The following WASF2 variants were observed in gnomAD, a reference collection of about 807,000 sequenced individuals.
WASF2 encodes WASP family member 2.
In WASF2, 14 loss-of-function variants were observed where a neutral mutation model predicts 45.0. That is an observed-to-expected ratio of 0.31 (90% CI 0.21 to 0.49). WASF2 has a LOEUF of 0.49. WASF2 is among the 20% of genes least tolerant of loss of function. The probability of loss-of-function intolerance (pLI) is 0.99; values close to 1 mark genes in which losing one functional copy is unlikely to be tolerated. For missense variants in WASF2, 439 were observed against 636.1 expected (o/e 0.69, Z 3.33); for synonymous variants, 200 against 236.3 (o/e 0.85, Z 1.41).
In WASF2 at chr1:27,486,855, C is replaced by T. The variant is rs1281058012; in HGVS notation, c.-44+3131G>A. 8.6e-5 allele frequency among the ~76,000 whole-genome samples: 13 copies of T among 151,282 alleles called. No homozygotes were observed. In the East Asian group the frequency reaches 1.9e-3, roughly 23 times the overall value. On this transcript the variant is annotated intron_variant, in intron 1 of 8. Coordinates refer to ENST00000618852, the MANE Select transcript of WASF2 (RefSeq NM_006990.5). ...AGGAGAATCGCCCGAACCTGGGAGG[C>T]GGAGGTTGCAGTAAGCCGAGATCAC...
intron 2 of WASF2, among the ~76,000 whole-genome samples, chr1:27,428,259 A>G (rs1164587130): frequency 6.6e-6 from 1 of 152,218 alleles, no homozygotes; most frequent in African/African-American, 2.4e-5. Flanking sequence ...CAAGTCAGTC[A>G]GAATCTCTCC....
chr1:27,475,890 A>C (rs931306944), intron 1 of WASF2, among the ~76,000 whole-genome samples: 2 of 152,118 alleles, frequency 1.3e-5, no homozygotes, highest in Non-Finnish European at 2.9e-5. Flanking sequence ...AGCCTCCCAA[A>C]ATACTTGGCC....
chr1:27,489,252 GCACA>G (rs60315426), intron 1 of WASF2, among the ~76,000 whole-genome samples: 2,210 of 80,210 alleles, frequency 0.028, 95 homozygotes, highest in African/African-American at 0.093. Context: ...CTGTACGCGC[GCACA>G]CACACACACA....
chr1:27,487,666 T>TATATATATTTTATATAATATATA (rs1557626745), intron 1 of WASF2, among the ~76,000 whole-genome samples: 1 of 104,600 alleles, frequency 9.6e-6, no homozygotes, highest in African/African-American at 3.8e-5. Context: ...TAATATATAT[T>TATATATATTTTATATAATATATA]ATATATATTT....
chr1:27,458,944 G>A (rs1229455668), intron 1 of WASF2, among the ~76,000 whole-genome samples: 1 of 151,934 alleles, frequency 6.6e-6, no homozygotes, highest in Non-Finnish European at 1.5e-5. Context: ...TGGCCAACAT[G>A]GTAAAACCCT....
chr1:27,477,930 AT>A (rs1172702114), intron 1 of WASF2, among the ~76,000 whole-genome samples: 1 of 102,944 alleles, frequency 9.7e-6, no homozygotes, highest in Non-Finnish European at 1.8e-5. Context: ...AAAAAAAAAA[AT>A]AAAAATAAAT....
chr1:27,483,060 A>G (rs1310904503), intron 1 of WASF2, among the ~76,000 whole-genome samples: 5 of 152,298 alleles, frequency 3.3e-5, no homozygotes, highest in Non-Finnish European at 7.4e-5. Flanking sequence ...TTAAAGCAGT[A>G]TTAGTATCTC....
chr1:27,425,203 C>T (rs953761048), intron 2 of WASF2, among the ~76,000 whole-genome samples: 3 of 152,210 alleles, frequency 2.0e-5, no homozygotes, highest in African/African-American at 7.2e-5. Context: ...ATCCTCCAAC[C>T]TTATCCTCCC....
At position 27,419,005 on chromosome 1, in the gene WASF2, C is replaced by T. The variant is rs1416423923; in HGVS notation, c.214G>A (p.Val72Ile). The change falls in exon 3 of 9, where the codon GTC (valine) becomes ATC (isoleucine). Residue 72 changes from valine to isoleucine, a missense_variant. Transcript: ENST00000618852. ...GTGACTTTAACCTGTAGTCGGTCGA[C>T]CCTCTCAGCAAGGGAGCTTACCCGA... ...ASRVSSLAER[V>I]DRLQVKVTQL... is the part of the protein sequence containing the mutation. The T allele has an allele frequency of 4.3e-6, 7 of 1,614,046 alleles. No homozygotes were observed. Among genetic ancestry groups the T allele is most frequent in the Non-Finnish European group, 5.9e-6 (7 of 1,180,006 alleles).
chr1:27,472,683 C>CCG (rs2017706753), intron 1 of WASF2, among the ~76,000 whole-genome samples: 1 of 121,708 alleles, frequency 8.2e-6, no homozygotes, highest in Non-Finnish European at 1.7e-5. Flanking sequence ...AAGGGGAAAT[C>CCG]AGGCCAGGGT....
chr1:27,473,556 A>C (rs1190883353), intron 1 of WASF2, among the ~76,000 whole-genome samples: 3 of 152,086 alleles, frequency 2.0e-5, no homozygotes, highest in Non-Finnish European at 4.4e-5. Context: ...GAAACAACAC[A>C]GTAAGTCCTC....
chr1:27,483,076 T>C lies in WASF2; in HGVS notation c.-44+6910A>G, dbSNP rs575959779. Among the ~76,000 whole-genome samples the C allele has an allele frequency of 1.5e-3, 225 of 152,292 alleles. 1 individual carries two copies. The highest frequency in any genetic ancestry group is 5.0e-3 in the African/African-American group (206 of 41,562). The stretch of plus-strand genomic sequence containing the variant: ...TAAAGCAGTATTAGTATCTCACGCC[T>C]GTAATCCCAGTACTTTGGAAGGCCG... On this transcript the variant is annotated intron_variant, in intron 1 of 8. Transcript: ENST00000618852.
At chr1:27,435,187 C>A (rs2017119431) in intron 1 of WASF2, among the ~76,000 whole-genome samples, 1 of 152,144 alleles carries the variant, frequency 6.6e-6, no homozygotes. Flanking sequence ...CCTAAGTGAT[C>A]CGCCCACCTT....
chr1:27,479,707 A>C (rs2017820332), intron 1 of WASF2, among the ~76,000 whole-genome samples: 3 of 152,170 alleles, frequency 2.0e-5, no homozygotes, highest in African/African-American at 7.2e-5. Context: ...TCTACTAAAA[A>C]TACAAAAATT....
At chr1:27,454,578 T>A (rs1038794293) in intron 1 of WASF2, among the ~76,000 whole-genome samples, 1 of 152,076 alleles carries the variant, frequency 6.6e-6, no homozygotes, top group Non-Finnish European at 1.5e-5. Flanking sequence ...GCTCAAGGGA[T>A]CCTCCCGCCT....
chr1:27,409,587 G>A lies in WASF2; in HGVS notation c.1339+105C>T, dbSNP rs551045569. ...AATCTCTCCCCACCCAATGAAAGCC[G>A]TTTCCTGGGAAGGGCACAGGGACCC... On this transcript the variant is annotated intron_variant, in intron 8 of 8. Transcript: ENST00000618852. The A allele has an allele frequency of 5.3e-5, 71 of 1,340,188 alleles. No homozygotes were observed. In the African/African-American group the frequency reaches 7.1e-4, roughly 13 times the overall value. The allele number at this position is 1,340,188 out of a possible 1,614,324, so 83.0% of individuals were successfully genotyped here.
chr1:27,432,134 T>G (rs2017073238), intron 1 of WASF2, among the ~76,000 whole-genome samples: 1 of 152,194 alleles, frequency 6.6e-6, no homozygotes, highest in Non-Finnish European at 1.5e-5. Flanking sequence ...GAAAAAAATC[T>G]TACATTCAGG....
rs2016685168 is a variant in WASF2 at position 27,406,898 on chromosome 1, G to C, written c.*1291C>G. 6.6e-6 allele frequency: 1 copy of C among 152,210 alleles called. No homozygotes were observed. The highest frequency in any genetic ancestry group is 1.5e-5 in the Non-Finnish European group (1 of 68,052). The allele number at this position is 152,210 out of a possible 1,614,324, so 9.4% of individuals were successfully genotyped here. A position where few individuals can be genotyped will look rare whatever the true frequency, so the allele number is the denominator to read the frequency against. ...TTGGCAGAATCTTTGTTTAAATTGG[G>C]GAAATAAAAGGGGGAGGAGTTGCAG... On this transcript the variant is annotated 3_prime_UTR_variant, in exon 9 of 9. Transcript: ENST00000618852.
Position 27,429,647 on chromosome 1 carries a change from G to A in WASF2, c.-43-714C>T, listed in dbSNP as rs555462983. Among the ~76,000 whole-genome samples the A allele has an allele frequency of 2.0e-5, 3 of 151,986 alleles. No individual in the cohort carries two copies. The East Asian group carries it at 5.8e-4, about 29-fold the overall frequency. On this transcript the variant is annotated intron_variant, in intron 1 of 8. Transcript: ENST00000618852. ...AAAAAATTGGCCAGGCGTGTCGCGG[G>A]TGCCTGTAATCCCAGTTACTGAGGA... is the stretch of plus-strand genomic sequence containing the variant.
Sources: allele counts gnomAD v4.1 joint callset (sites outside exome capture counted in the v4.1 genomes callset), GRCh38; gene constraint gnomAD v4.1.1; transcripts MANE v1.5; gene names NCBI Gene and HGNC (gene_info 2026-07-23, HGNC 2026-07-21).